CSMD1: variants seen among roughly 807,000 people sequenced by gnomAD.
CSMD1 encodes CUB and sushi domain-containing protein 1.
In CSMD1, 213 loss-of-function variants were observed where a neutral mutation model predicts 417.5. That is an observed-to-expected ratio of 0.51 (90% CI 0.46 to 0.57). The LOEUF is 0.57. Among genes scored for constraint, CSMD1 ranks in the 20% least tolerant of loss-of-function variants. The pLI is 0.00. For synonymous variants in CSMD1, 2,862 were observed against 1,736.8 expected, an observed-to-expected ratio of 1.65 and a Z score of -16.11; for missense variants, 6,923 against 4,529.7, an observed-to-expected ratio of 1.53 and a Z score of -15.17.
intron 1 of CSMD1, among the ~76,000 whole-genome samples, chr8:4,770,380 G>A (rs981733228): frequency 1.4e-4 from 21 of 148,216 alleles, no homozygotes; most frequent in Non-Finnish European, 2.4e-4. Flanking sequence ...TATGTAGTAC[G>A]TAATTAAGCT....
At chr8:3,953,211 G>A (rs1338759528) in intron 5 of CSMD1, among the ~76,000 whole-genome samples, 1 of 151,848 alleles carries the variant, frequency 6.6e-6, no homozygotes, top group East Asian at 1.9e-4. Flanking sequence ...AAACATTATA[G>A]GATTAAAATC....
At chr8:4,470,656 C>T (rs1361442893) in intron 2 of CSMD1, among the ~76,000 whole-genome samples, 1 of 152,124 alleles carries the variant, frequency 6.6e-6, no homozygotes, top group Non-Finnish European at 1.5e-5. Flanking sequence ...AGTGAGATTT[C>T]TAAACGGCCA....
chr8:4,096,443 G>C (rs530891729), intron 3 of CSMD1, among the ~76,000 whole-genome samples: 25 of 152,172 alleles, frequency 1.6e-4, no homozygotes, highest in Middle Eastern at 3.4e-3. Flanking sequence ...CAAACCAGAT[G>C]ATCCCCATCT....
intron 1 of CSMD1, among the ~76,000 whole-genome samples, chr8:4,710,266 A>G (rs1642595917): frequency 6.6e-6 from 1 of 151,898 alleles, no homozygotes; most frequent in African/African-American, 2.4e-5. Context: ...TACACATTTT[A>G]TATACATTTG....
intron 1 of CSMD1, among the ~76,000 whole-genome samples, chr8:4,680,066 G>T (rs1563128378): frequency 6.6e-6 from 1 of 152,126 alleles, no homozygotes; most frequent in African/African-American, 2.4e-5. Context: ...AAAACAATAT[G>T]ACATTAACAT....
chr8:3,536,637 G>A (rs531481552), intron 10 of CSMD1, among the ~76,000 whole-genome samples: 13 of 152,176 alleles, frequency 8.5e-5, no homozygotes, highest in Admixed American at 6.5e-5. Flanking sequence ...AGTGTGAGCT[G>A]TCACTACCAT....
rs562730410 is a variant in CSMD1 at position 4,614,928 on chromosome 8, A to T, written c.302+22414T>A. ...TGTTCACCAATCTCAGATAATTTTC[A>T]AATATGTTATGAATTTTCTATGATT... On this transcript the variant is annotated intron_variant, in intron 2 of 69. Transcript: ENST00000635120. Among the ~76,000 whole-genome samples, 117 of 152,280 alleles carry T rather than the reference A, an allele frequency of 7.7e-4. 1 individual carries two copies. Among genetic ancestry groups the T allele is most frequent in the African/African-American group, 2.7e-3 (113 of 41,558 alleles).
chr8:4,058,393 A>G (rs1470877089), intron 3 of CSMD1, among the ~76,000 whole-genome samples: 1 of 152,152 alleles, frequency 6.6e-6, no homozygotes, highest in African/African-American at 2.4e-5. Context: ...TTGTATCCTC[A>G]GACTTTGCTG....
At position 2,962,532 on chromosome 8, in the gene CSMD1, C is replaced by T. The variant is rs768950845; in HGVS notation, c.9562G>A (p.Val3188Met). 10 of 1,613,766 alleles carry T rather than the reference C, an allele frequency of 6.2e-6. No homozygotes were observed. The highest frequency in any genetic ancestry group is 5.0e-5 in the Admixed American group (3 of 59,992). The change falls in exon 61 of 70, where the codon GTG becomes ATG. Residue 3188 changes from valine (V) to methionine (M), a missense_variant. Transcript: ENST00000635120. ...TGGCAGACTCTTCTGGAGGATCCCA[C>T]GAGTATAAATGGAGATTTGCACTGG... ...FFQCKSPFIL[V>M]GSSRRVCQAD...
intron 10 of CSMD1, among the ~76,000 whole-genome samples, chr8:3,497,772 T>A (rs1796428002): frequency 6.6e-6 from 1 of 152,220 alleles, no homozygotes; most frequent in Non-Finnish European, 1.5e-5. Context: ...TCTGTTCTGG[T>A]TGTTTTGCAC....
At position 2,942,620 on chromosome 8, in the gene CSMD1, A is replaced by G; in HGVS notation, c.10403-16T>C. 3 of 1,541,778 alleles carry G rather than the reference A, an allele frequency of 1.9e-6. No homozygotes were observed. The highest frequency in any genetic ancestry group is 2.6e-6 in the Non-Finnish European group (3 of 1,140,776). On this transcript the variant is annotated splice_polypyrimidine_tract_variant and intron_variant, in intron 68 of 69. Coordinates refer to ENST00000635120, the MANE Select transcript of CSMD1 (RefSeq NM_033225.6). ...TTTAAAGGATCTGTAAGATAAAGGA[A>G]ATATTAAATTTGTTGTTACTGTACT...
intron 2 of CSMD1, among the ~76,000 whole-genome samples, chr8:4,439,036 T>G (rs565967124): frequency 6.6e-5 from 10 of 152,302 alleles, no homozygotes; most frequent in African/African-American, 2.4e-4. Flanking sequence ...CTATATTCTT[T>G]TTAGTAATCT....
chr8:3,397,420 A>G (rs1811769892), intron 16 of CSMD1, among the ~76,000 whole-genome samples: 1 of 152,198 alleles, frequency 6.6e-6, no homozygotes, highest in Admixed American at 6.5e-5. Flanking sequence ...TCATGGATAC[A>G]CTGATTAGTG....
At chr8:4,689,593 T>A in intron 1 of CSMD1, among the ~76,000 whole-genome samples, 1 of 152,208 alleles carries the variant, frequency 6.6e-6, no homozygotes, top group East Asian at 1.9e-4. Flanking sequence ...ATAACACAGT[T>A]CAGTAAGATC....
At chr8:4,409,945 C>G (rs557573673) in intron 3 of CSMD1, among the ~76,000 whole-genome samples, 1 of 151,488 alleles carries the variant, frequency 6.6e-6, no homozygotes, top group African/African-American at 2.4e-5. Flanking sequence ...TCCCAAGTAG[C>G]TGGGATTACA....
intron 3 of CSMD1, among the ~76,000 whole-genome samples, chr8:4,307,735 C>A (rs1033773835): frequency 6.6e-6 from 1 of 152,122 alleles, no homozygotes; most frequent in Non-Finnish European, 1.5e-5. Context: ...GAATGAATAC[C>A]TACATGGGCA....
At chr8:3,919,852 G>A (rs773553250) in intron 5 of CSMD1, among the ~76,000 whole-genome samples, 17 of 151,716 alleles carry the variant, frequency 1.1e-4, no homozygotes, top group Non-Finnish European at 2.2e-4. Flanking sequence ...TCACCTCCTT[G>A]GTTATTTTTT....
chr8:4,669,481 G>C (rs540789151), intron 1 of CSMD1, among the ~76,000 whole-genome samples: 3 of 152,266 alleles, frequency 2.0e-5, no homozygotes, highest in African/African-American at 7.2e-5. Context: ...GTGGACAACC[G>C]TATCTAGTCA....
chr8:3,292,297 T>G (rs1033992891), intron 25 of CSMD1, among the ~76,000 whole-genome samples: 1 of 152,262 alleles, frequency 6.6e-6, no homozygotes, highest in East Asian at 1.9e-4. Flanking sequence ...AAAGAATGTA[T>G]ATTTTGTTGA....
Sources: gnomAD v4.1 joint callset for allele counts (sites outside exome capture counted in the v4.1 genomes callset) on GRCh38, gnomAD v4.1.1 for gene constraint, MANE v1.5 for transcripts, NCBI Gene and HGNC (gene_info 2026-07-23, HGNC 2026-07-21) for gene names.